Variants in STIM1 observed in about 807,000 individuals in gnomAD.
STIM1 encodes stromal interaction molecule 1.
In STIM1, 25 loss-of-function variants were observed where a neutral mutation model predicts 74.7. The ratio of observed to expected loss-of-function variants is 0.33; its 90% CI spans 0.24 to 0.47. The LOEUF (loss-of-function observed/expected upper bound fraction) is 0.47, where lower values mean the gene tolerates loss of function less well. Among genes scored for constraint, STIM1 ranks in the 20% least tolerant of loss-of-function variants. The pLI is 1.00. For synonymous variants in STIM1, 328 were observed against 348.8 expected, an observed-to-expected ratio of 0.94 and a Z score of 0.66; for missense variants, 728 against 920.8, an observed-to-expected ratio of 0.79 and a Z score of 2.71.
chr11:3,977,368 A>G (rs2093458533), intron 2 of STIM1, among the ~76,000 whole-genome samples: 1 of 152,226 alleles, frequency 6.6e-6, no homozygotes, highest in Admixed American at 6.5e-5. Context: ...AGATCTACTT[A>G]TGACTTCTGT....
At chr11:3,968,351 C>T (rs543392750) in intron 2 of STIM1, among the ~76,000 whole-genome samples, 21 of 152,140 alleles carry the variant, frequency 1.4e-4, no homozygotes, top group Admixed American at 5.9e-4. Flanking sequence ...CAACATATAC[C>T]AGTAGTTTGG....
intron 3 of STIM1, among the ~76,000 whole-genome samples, chr11:4,029,581 G>A (rs2094030026): frequency 7.0e-6 from 1 of 142,220 alleles, no homozygotes; most frequent in Non-Finnish European, 1.5e-5. Flanking sequence ...GGTGGGCGGG[G>A]TGGGGGTGGG....
At chr11:3,923,091 C>T (rs1247962370) in intron 1 of STIM1, among the ~76,000 whole-genome samples, 1 of 127,340 alleles carries the variant, frequency 7.9e-6, no homozygotes, top group Non-Finnish European at 1.7e-5. Context: ...CAGAGCGAGA[C>T]TCCGTCTCAA....
At chr11:3,951,823 C>G (rs2093152316) in intron 1 of STIM1, among the ~76,000 whole-genome samples, 1 of 152,026 alleles carries the variant, frequency 6.6e-6, no homozygotes, top group African/African-American at 2.4e-5. Context: ...TATCTCAGAC[C>G]CTGATGAGTG....
At chr11:3,879,186 C>T (rs1025516192) in intron 1 of STIM1, among the ~76,000 whole-genome samples, 3 of 152,136 alleles carry the variant, frequency 2.0e-5, no homozygotes, top group Admixed American at 1.3e-4. Context: ...GAACTCCTGA[C>T]CTCAGGTGAT....
At chr11:3,903,921 G>A (rs192731570) in intron 1 of STIM1, among the ~76,000 whole-genome samples, 5 of 152,230 alleles carry the variant, frequency 3.3e-5, no homozygotes, top group Admixed American at 3.3e-4. Context: ...GGGAAAGGCT[G>A]GGCTTGGTGG....
At chr11:3,992,207 G>A (rs546035613) in intron 2 of STIM1, among the ~76,000 whole-genome samples, 1 of 146,826 alleles carries the variant, frequency 6.8e-6, no homozygotes, top group South Asian at 2.1e-4. Flanking sequence ...CCAGGAGTTC[G>A]AGACCAGCCA....
At chr11:4,016,367 A>C (rs2135982773) in intron 2 of STIM1, among the ~76,000 whole-genome samples, 1 of 152,252 alleles carries the variant, frequency 6.6e-6, no homozygotes, top group African/African-American at 2.4e-5. Context: ...CCTGGGTATC[A>C]CCAGTGGAGG....
chr11:3,962,383 C>A (rs2093295871), intron 1 of STIM1, among the ~76,000 whole-genome samples: 1 of 152,034 alleles, frequency 6.6e-6, no homozygotes, highest in Non-Finnish European at 1.5e-5. Flanking sequence ...ATAGCGGCCT[C>A]CAGTTCCATC....
At chr11:3,992,725 G>C (rs2093627821) in intron 2 of STIM1, among the ~76,000 whole-genome samples, 1 of 152,170 alleles carries the variant, frequency 6.6e-6, no homozygotes, top group Non-Finnish European at 1.5e-5. Context: ...TTACCCCTGT[G>C]TTTTCTTCTA....
At chr11:3,987,330 A>T (rs2093566819) in intron 2 of STIM1, among the ~76,000 whole-genome samples, 1 of 152,228 alleles carries the variant, frequency 6.6e-6, no homozygotes, top group Non-Finnish European at 1.5e-5. Flanking sequence ...GGTAAGTGGC[A>T]GAAATGTGAT....
At chr11:3,873,577 C>T (rs1274259281) in intron 1 of STIM1, among the ~76,000 whole-genome samples, 1 of 151,984 alleles carries the variant, frequency 6.6e-6, no homozygotes, top group Non-Finnish European at 1.5e-5. Context: ...ATGTGTTTAC[C>T]TCTGAACTGA....
At chr11:3,928,390 T>C (rs1442062336) in intron 1 of STIM1, among the ~76,000 whole-genome samples, 1 of 152,040 alleles carries the variant, frequency 6.6e-6, no homozygotes, top group African/African-American at 2.4e-5. Flanking sequence ...CACACCCAGT[T>C]AATTTTTTGT....
In STIM1 at chr11:3,990,786, A is replaced by G. The variant is rs113779549; in HGVS notation, c.270+23104A>G. Among the ~76,000 whole-genome samples the G allele has an allele frequency of 4.3e-3, 658 of 152,156 alleles. 2 individuals carry two copies. Among genetic ancestry groups the G allele is most frequent in the Non-Finnish European group, 7.5e-3 (510 of 67,972 alleles). On this transcript the variant is annotated intron_variant, in intron 2 of 12. Coordinates refer to ENST00000526596, the MANE Select transcript of STIM1 (RefSeq NM_001382567.1). ...ATTTTCTCAGATCCTTTGCTCATTTATTTTATTTTTTATTATTTAAAAAAA... is the reference window on the plus strand; with the variant it reads ...ATTTTCTCAGATCCTTTGCTCATTTGTTTTATTTTTTATTATTTAAAAAAA...
At chr11:4,046,749 A>AT (rs1334802859) in intron 3 of STIM1, among the ~76,000 whole-genome samples, 12 of 152,158 alleles carry the variant, frequency 7.9e-5, no homozygotes, top group Non-Finnish European at 1.6e-4. Context: ...TCCTGGGCTC[A>AT]AGTTATCCTC....
Position 4,083,447 on chromosome 11 carries a change from G to A in STIM1, c.1423G>A (p.Asp475Asn), listed in dbSNP as rs201022957. ...CAACCCTGCTCACTTCATCATGACT[G>A]ACGACGTGGATGACATGGATGAGGA... The part of the protein sequence containing the change: ...RPNPAHFIMT[D>N]DVDDMDEEIV... The change falls in exon 10 of 13, where the codon GAC becomes AAC. Residue 475 changes from aspartate (D) to asparagine (N), a missense_variant. Asp to Asn is a conservative substitution (Grantham distance 23). Transcript: ENST00000526596. 4 of 1,614,238 alleles carry A rather than the reference G, an allele frequency of 2.5e-6. No individual in the cohort carries two copies. Among genetic ancestry groups the A allele is most frequent in the Non-Finnish European group, 3.4e-6 (4 of 1,180,046 alleles).
chr11:3,938,058 C>T (rs1382495271), intron 1 of STIM1, among the ~76,000 whole-genome samples: 3 of 151,908 alleles, frequency 2.0e-5, no homozygotes, highest in South Asian at 2.1e-4. Flanking sequence ...TTCAGCCTCC[C>T]GAGTAGCTGG....
chr11:4,021,343 C>T (rs528051627), intron 2 of STIM1, among the ~76,000 whole-genome samples: 139 of 152,344 alleles, frequency 9.1e-4, no homozygotes, highest in Non-Finnish European at 1.4e-3. Context: ...CCAGGCTGGT[C>T]TCCAACTCCC....
chr11:3,987,283 A>C (rs527327311), intron 2 of STIM1, among the ~76,000 whole-genome samples: 1 of 152,276 alleles, frequency 6.6e-6, no homozygotes, highest in African/African-American at 2.4e-5. Flanking sequence ...TGTAACTGTG[A>C]GGTAGTTTGC....
Sources: gnomAD v4.1 joint callset for allele counts (sites outside exome capture counted in the v4.1 genomes callset) on GRCh38, gnomAD v4.1.1 for gene constraint, MANE v1.5 for transcripts, NCBI Gene and HGNC (gene_info 2026-07-23, HGNC 2026-07-21) for gene names.